Variants in DOCK2 observed in about 807,000 individuals in gnomAD.
DOCK2 encodes the protein dedicator of cytokinesis 2.
DOCK2 carries 87 observed loss-of-function variants against 248.9 expected under a neutral mutation model. That is an observed-to-expected ratio of 0.35 (90% CI 0.29 to 0.42). DOCK2 has a LOEUF of 0.42. Ranked by LOEUF, DOCK2 falls within the 10% of genes least tolerant of loss-of-function variation. DOCK2 has a pLI of 1.00. For missense variants in DOCK2, 1,747 were observed against 2,300.2 expected, an observed-to-expected ratio of 0.76 and a Z score of 4.92; for synonymous variants, 805 against 821.6, an observed-to-expected ratio of 0.98 and a Z score of 0.35.
chr5:169,734,166 C>G (rs1290250667), intron 22 of DOCK2, among the ~76,000 whole-genome samples: 1 of 151,960 alleles, frequency 6.6e-6, no homozygotes, highest in Non-Finnish European at 1.5e-5. Flanking sequence ...CTAATATGTT[C>G]TTTAACTGAC....
chr5:169,977,100 T>G, intron 27 of DOCK2, among the ~76,000 whole-genome samples: 1 of 152,226 alleles, frequency 6.6e-6, no homozygotes, highest in East Asian at 1.9e-4. Context: ...AGACAGTTAT[T>G]TTTCAGGCTT....
In DOCK2 at chr5:170,044,974, G is replaced by A. The variant is rs531208218; in HGVS notation, c.3877-842G>A. On this transcript the variant is annotated intron_variant, in intron 38 of 51. Transcript: ENST00000520908. ...CTGACCTCCTTCGGTCTAAGAGAGT[G>A]AGGTGATCTATTGACTCTCGTCTAA... 1.1e-4 allele frequency among the ~76,000 whole-genome samples: 16 copies of A among 152,228 alleles called. 1 individual carries two copies. The South Asian group carries it at 3.3e-3, about 32-fold the overall frequency.
chr5:169,694,040 G>T (rs1384057633), intron 9 of DOCK2, among the ~76,000 whole-genome samples: 3 of 152,192 alleles, frequency 2.0e-5, no homozygotes, highest in Admixed American at 2.0e-4. Flanking sequence ...ACCTAGCCAG[G>T]TTGGCATACA....
At chr5:169,926,490 G>T (rs1395070213) in intron 27 of DOCK2, among the ~76,000 whole-genome samples, 5 of 152,208 alleles carry the variant, frequency 3.3e-5, no homozygotes, top group African/African-American at 1.2e-4. Flanking sequence ...AGGTGGCCAT[G>T]TTCAAAGAAA....
intron 23 of DOCK2, among the ~76,000 whole-genome samples, chr5:169,752,016 T>A (rs73801932): frequency 0.018 from 2,780 of 152,254 alleles, 87 homozygotes; most frequent in African/African-American, 0.064. Context: ...ACAGGTAAGG[T>A]TTAGGCCAGG....
At chr5:170,031,172 A>T (rs1458321081) in intron 34 of DOCK2, among the ~76,000 whole-genome samples, 4 of 152,250 alleles carry the variant, frequency 2.6e-5, no homozygotes. Context: ...GAATAGTTCT[A>T]GAAGTGGTGA....
At chr5:169,714,250 G>A (rs1247385644) in intron 18 of DOCK2, 39 bp downstream of exon 18, 1 of 1,601,144 alleles carries the variant, frequency 6.2e-7, no homozygotes, top group East Asian at 2.2e-5. Flanking sequence ...TGGGGAGTGT[G>A]TGTGTCCGTG....
In DOCK2 at chr5:169,945,426, C is replaced by T. The variant is rs553285999; in HGVS notation, c.2800-37642C>T. Among the ~76,000 whole-genome samples the T allele has an allele frequency of 2.6e-5, 4 of 152,374 alleles. No individual in the cohort carries two copies. In the East Asian group the frequency reaches 5.8e-4, roughly 22 times the overall value. ...AGTGAAAAATCAGTGAGAATAAACT[C>T]AACAGAAATGCTAACAAGTGTTATT... On this transcript the variant is annotated intron_variant, in intron 27 of 51. Transcript: ENST00000520908.
At chr5:169,771,075 C>T (rs1282286144) in intron 25 of DOCK2, among the ~76,000 whole-genome samples, 7 of 152,162 alleles carry the variant, frequency 4.6e-5, no homozygotes, top group African/African-American at 9.7e-5. Context: ...CCAGCAATGC[C>T]GAAGTGGACC....
At chr5:169,830,959 C>A (rs1349738891) in intron 26 of DOCK2, among the ~76,000 whole-genome samples, 1 of 152,136 alleles carries the variant, frequency 6.6e-6, no homozygotes, top group Non-Finnish European at 1.5e-5. Context: ...GGGTGTACAT[C>A]CCTGGGATGT....
intron 1 of DOCK2, among the ~76,000 whole-genome samples, chr5:169,641,226 A>G (rs2113083331): frequency 6.6e-6 from 1 of 152,360 alleles, no homozygotes; most frequent in Non-Finnish European, 1.5e-5. Flanking sequence ...ATAAGATCAC[A>G]TTCTGAGGTA....
intron 1 of DOCK2, among the ~76,000 whole-genome samples, chr5:169,654,095 G>T (rs1311992983): frequency 1.3e-5 from 2 of 152,220 alleles, no homozygotes; most frequent in African/African-American, 4.8e-5. Flanking sequence ...CATAACAAAT[G>T]ATGTAACATT....
At chr5:169,903,079 A>G (rs1774031689) in intron 27 of DOCK2, among the ~76,000 whole-genome samples, 1 of 151,920 alleles carries the variant, frequency 6.6e-6, no homozygotes, top group South Asian at 2.1e-4. Flanking sequence ...GCCTGGCGAC[A>G]GAGCAAGACT....
At chr5:169,685,502 C>T (rs1247642608) in intron 8 of DOCK2, among the ~76,000 whole-genome samples, 2 of 152,228 alleles carry the variant, frequency 1.3e-5, no homozygotes, top group African/African-American at 2.4e-5. Flanking sequence ...TGACTGCAGG[C>T]ATGCGCCACC....
chr5:170,044,513 G>C (rs1042978271), intron 38 of DOCK2, among the ~76,000 whole-genome samples: 4 of 152,016 alleles, frequency 2.6e-5, no homozygotes, highest in African/African-American at 7.3e-5. Context: ...TCTTTTCCCT[G>C]TTCACATTAT....
At chr5:170,011,586 A>T (rs1407657416) in intron 32 of DOCK2, among the ~76,000 whole-genome samples, 1 of 152,234 alleles carries the variant, frequency 6.6e-6, no homozygotes, top group African/African-American at 2.4e-5. Context: ...GTTCCTGGCT[A>T]CCTGAACCCA....
intron 27 of DOCK2, among the ~76,000 whole-genome samples, chr5:169,945,173 A>G (rs1373154944): frequency 6.6e-6 from 1 of 152,242 alleles, no homozygotes; most frequent in Non-Finnish European, 1.5e-5. Flanking sequence ...GTGGGTTAAA[A>G]GCAGACAGGC....
chr5:170,043,445 A>G (rs1463098346), intron 38 of DOCK2, among the ~76,000 whole-genome samples: 2 of 152,170 alleles, frequency 1.3e-5, no homozygotes, highest in African/African-American at 2.4e-5. Context: ...CCTCTGGCTT[A>G]CCTGCAGCCC....
intron 44 of DOCK2, among the ~76,000 whole-genome samples, chr5:170,066,569 A>G (rs1418347629): frequency 4.6e-5 from 7 of 152,232 alleles, no homozygotes; most frequent in Admixed American, 4.6e-4. Context: ...ATACAGAACA[A>G]TCCACCCCAC....
Sources: gnomAD v4.1 joint callset for allele counts (sites outside exome capture counted in the v4.1 genomes callset) on GRCh38, gnomAD v4.1.1 for gene constraint, MANE v1.5 for transcripts, NCBI Gene and HGNC (gene_info 2026-07-23, HGNC 2026-07-21) for gene names.